CCSER1: variants seen among roughly 807,000 people sequenced by gnomAD.
CCSER1 encodes the protein coiled-coil serine rich protein 1.
CCSER1 carries 41 observed loss-of-function variants against 82.0 expected under a neutral mutation model. That is an observed-to-expected ratio of 0.50 (90% CI 0.39 to 0.65). The LOEUF (loss-of-function observed/expected upper bound fraction) is 0.65, where lower values mean the gene tolerates loss of function less well. CCSER1 is among the 30% of genes least tolerant of loss of function. The pLI is 0.00. For missense variants in CCSER1, 1,119 were observed against 1,064.2 expected (o/e 1.05, Z -0.72); for synonymous variants, 414 against 383.9 (o/e 1.08, Z -0.92).
chr4:90,895,605 C>G (rs1723590569), intron 8 of CCSER1, among the ~76,000 whole-genome samples: 1 of 151,984 alleles, frequency 6.6e-6, no homozygotes, highest in South Asian at 2.1e-4. Flanking sequence ...TGTATAAAAT[C>G]ATTTACATTT....
chr4:91,463,712 A>C lies in CCSER1; in HGVS notation c.2218-134860A>C, dbSNP rs184106311. On this transcript the variant is annotated intron_variant, in intron 10 of 10. Coordinates refer to ENST00000509176, the MANE Select transcript of CCSER1 (RefSeq NM_001145065.2). ...ACGAGAGCTACGTGATTAATGCACA[A>C]GCTTCAGAAGCTGATTCGATCAATG... is the stretch of plus-strand genomic sequence containing the variant. 3.8e-3 allele frequency among the ~76,000 whole-genome samples: 573 copies of C among 152,370 alleles called. 6 individuals are homozygous for C. Among genetic ancestry groups the C allele is most frequent in the Middle Eastern group, 0.034 (10 of 294 alleles).
chr4:90,624,033 A>G (rs1002518230), intron 5 of CCSER1, among the ~76,000 whole-genome samples: 1 of 152,210 alleles, frequency 6.6e-6, no homozygotes, highest in Non-Finnish European at 1.5e-5. Flanking sequence ...TATTTTCTGC[A>G]GCTCTACTTA....
At chr4:91,115,609 G>A (rs1487835382) in intron 10 of CCSER1, among the ~76,000 whole-genome samples, 2 of 151,906 alleles carry the variant, frequency 1.3e-5, no homozygotes, top group Admixed American at 1.3e-4. Flanking sequence ...ATAAAGACTA[G>A]AGAAATGTTC....
intron 6 of CCSER1, among the ~76,000 whole-genome samples, chr4:90,655,559 C>A (rs540454045): frequency 6.6e-6 from 1 of 152,006 alleles, no homozygotes; most frequent in African/African-American, 2.4e-5. Context: ...TGCTCTCTTT[C>A]TCTCTCTTAC....
At chr4:90,490,759 C>A (rs1187790628) in intron 5 of CCSER1, among the ~76,000 whole-genome samples, 8 of 152,124 alleles carry the variant, frequency 5.3e-5, no homozygotes, top group Non-Finnish European at 1.5e-5. Flanking sequence ...GTTTTCCCAG[C>A]ACCATTTTTT....
chr4:90,911,208 C>A, intron 8 of CCSER1: 1 of 430,766 alleles, frequency 2.3e-6, no homozygotes, highest in South Asian at 1.7e-5. Flanking sequence ...TAGCAATTTT[C>A]TACAACAAAA....
At chr4:91,395,572 A>G (rs80020240) in intron 10 of CCSER1, among the ~76,000 whole-genome samples, 2,961 of 152,106 alleles carry the variant, frequency 0.019, 105 homozygotes, top group African/African-American at 0.068. Context: ...AGGCTGAATT[A>G]TATACAATAA....
At chr4:91,094,459 T>C (rs997375572) in intron 10 of CCSER1, among the ~76,000 whole-genome samples, 5 of 152,132 alleles carry the variant, frequency 3.3e-5, no homozygotes, top group Admixed American at 3.3e-4. Context: ...GTAGAGTCAC[T>C]GTAGTTTGGT....
intron 10 of CCSER1, among the ~76,000 whole-genome samples, chr4:91,244,665 GGA>G (rs2149135172): frequency 6.6e-6 from 1 of 152,284 alleles, no homozygotes; most frequent in African/African-American, 2.4e-5. Context: ...GCCTTCCCAA[GGA>G]GGGCAAGCCC....
chr4:91,380,467 C>G (rs1750796533), intron 10 of CCSER1, among the ~76,000 whole-genome samples: 1 of 152,124 alleles, frequency 6.6e-6, no homozygotes. Flanking sequence ...ATAGTTAGCT[C>G]TACTTGTTGA....
At chr4:90,373,358 G>C (rs1050710844) in intron 3 of CCSER1, among the ~76,000 whole-genome samples, 1 of 152,130 alleles carries the variant, frequency 6.6e-6, no homozygotes, top group Admixed American at 6.5e-5. Flanking sequence ...TTGATTTACA[G>C]AAATATTGGA....
chr4:90,666,855 A>G (rs1731882071), intron 6 of CCSER1, among the ~76,000 whole-genome samples: 2 of 152,196 alleles, frequency 1.3e-5, no homozygotes, highest in African/African-American at 4.8e-5. Flanking sequence ...AGGAGAAACA[A>G]CACAAAGAAC....
chr4:91,523,319 A>C (rs1760595208), intron 10 of CCSER1, among the ~76,000 whole-genome samples: 2 of 152,254 alleles, frequency 1.3e-5, no homozygotes, highest in African/African-American at 4.8e-5. Flanking sequence ...CATCAGGGAT[A>C]TTGGTCTAAA....
chr4:91,358,349 C>T (rs1748999115), intron 10 of CCSER1, among the ~76,000 whole-genome samples: 1 of 122,854 alleles, frequency 8.1e-6, no homozygotes, highest in Admixed American at 8.0e-5. Context: ...TTTTTTTTAA[C>T]ATAGTTCCCA....
At chr4:90,708,794 C>T (rs1739926859) in intron 6 of CCSER1, among the ~76,000 whole-genome samples, 1 of 151,926 alleles carries the variant, frequency 6.6e-6, no homozygotes. Context: ...GATTTTTTCC[C>T]CTAAAAGTTA....
chr4:90,996,749 A>T (rs1737528384), intron 9 of CCSER1, among the ~76,000 whole-genome samples: 1 of 152,292 alleles, frequency 6.6e-6, no homozygotes, highest in Middle Eastern at 3.4e-3. Context: ...TATTGAAATG[A>T]AATCATATAT....
chr4:90,276,179 A>T (rs1414687087), intron 1 of CCSER1, among the ~76,000 whole-genome samples: 1 of 143,272 alleles, frequency 7.0e-6, no homozygotes, highest in Non-Finnish European at 1.5e-5. Context: ...GAAAGACTTG[A>T]ACACTGTTTT....
intron 3 of CCSER1, among the ~76,000 whole-genome samples, chr4:90,362,868 A>AG (rs1229392916): frequency 5.9e-5 from 9 of 152,208 alleles, no homozygotes; most frequent in Non-Finnish European, 1.3e-4. Flanking sequence ...GTTTCATACA[A>AG]GGGATGCCTT....
intron 1 of CCSER1, among the ~76,000 whole-genome samples, chr4:90,204,771 A>C (rs1738464202): frequency 6.6e-6 from 1 of 152,168 alleles, no homozygotes; most frequent in Non-Finnish European, 1.5e-5. Context: ...TGAATCTATA[A>C]ATTACTTTGA....
Sources: allele counts gnomAD v4.1 joint callset (sites outside exome capture counted in the v4.1 genomes callset), GRCh38; gene constraint gnomAD v4.1.1; transcripts MANE v1.5; gene names NCBI Gene and HGNC (gene_info 2026-07-23, HGNC 2026-07-21).